Variants in SOX5 observed in about 807,000 individuals in gnomAD.
SOX5 encodes the protein transcription factor SOX-5.
A neutral mutation model predicts 92.0 loss-of-function variants in SOX5; 9 were observed. The observed-to-expected ratio is 0.10, with a 90% CI of 0.06 to 0.17. SOX5 has a LOEUF of 0.17. Ranked by LOEUF, SOX5 falls within the 10% of genes least tolerant of loss-of-function variation. The pLI is 1.00. For missense variants in SOX5, 642 were observed against 944.5 expected, an observed-to-expected ratio of 0.68 and a Z score of 4.20; for synonymous variants, 344 against 336.3, an observed-to-expected ratio of 1.02 and a Z score of -0.25.
intron 1 of SOX5, among the ~76,000 whole-genome samples, chr12:24,549,487 A>G (rs1952944336): frequency 6.6e-6 from 1 of 152,240 alleles, no homozygotes; most frequent in Admixed American, 6.5e-5. Context: ...TCAATTGACA[A>G]GGAGGTTTAA....
chr12:23,965,898 T>C (rs890590670), intron 4 of SOX5, among the ~76,000 whole-genome samples: 1 of 152,122 alleles, frequency 6.6e-6, no homozygotes, highest in African/African-American at 2.4e-5. Context: ...GGATTGCAGC[T>C]GTGAGCCACC....
chr12:24,316,692 A>G lies in SOX5; in HGVS notation c.-173-39380T>C, dbSNP rs546552814. Among the ~76,000 whole-genome samples the G allele has an allele frequency of 4.9e-4, 75 of 152,336 alleles. 1 individual carries two copies. Among genetic ancestry groups the G allele is most frequent in the Admixed American group, 3.9e-3 (60 of 15,306 alleles). On this transcript the variant is annotated intron_variant, in intron 2 of 4. Transcript: ENST00000446891. The stretch of plus-strand genomic sequence containing the variant: ...TGTGCCAACTATATTTAAATTCCAC[A>G]TGTCGTTTCAAAATGTATTTAGAGA...
At chr12:24,399,199 A>G (rs1483796216) in intron 1 of SOX5, among the ~76,000 whole-genome samples, 1 of 152,124 alleles carries the variant, frequency 6.6e-6, no homozygotes. Context: ...AAAAAACCAA[A>G]CAAACAGAAA....
At chr12:23,922,070 C>T (rs576430545) in intron 1 of SOX5, among the ~76,000 whole-genome samples, 1 of 152,176 alleles carries the variant, frequency 6.6e-6, no homozygotes, top group Non-Finnish European at 1.5e-5. Flanking sequence ...GACAACTCCC[C>T]CCCTGGGCTC....
chr12:24,222,033 A>C (rs1960584040), intron 3 of SOX5, among the ~76,000 whole-genome samples: 1 of 152,238 alleles, frequency 6.6e-6, no homozygotes, highest in African/African-American at 2.4e-5. Flanking sequence ...TTCTGTTCTT[A>C]GAAAAATTAA....
At chr12:23,918,513 G>A (rs550419274) in intron 1 of SOX5, among the ~76,000 whole-genome samples, 1 of 152,240 alleles carries the variant, frequency 6.6e-6, no homozygotes, top group Admixed American at 6.5e-5. Context: ...TAATGAATAT[G>A]GTTCTTTATT....
chr12:24,558,310 G>C (rs1597931990), intron 1 of SOX5, among the ~76,000 whole-genome samples: 1 of 152,152 alleles, frequency 6.6e-6, no homozygotes, highest in African/African-American at 2.4e-5. Flanking sequence ...CGCTGGTAAA[G>C]CCTTCAAAAG....
At chr12:23,951,020 C>G, upstream of SOX5, 1 of 677,612 alleles carries the variant, frequency 1.5e-6, no homozygotes. Context: ...CACGCACGCT[C>G]TCCACTCCTA....
In SOX5 at chr12:24,374,502, CACACACACACACAT is replaced by C. The variant is rs538111961; in HGVS notation, c.-250-5877_-250-5864del. ...CTGTTCTGCCCTCTCCAGACCACCA[CACACACACACACAT>C]ACACACACACACACACACACATGCA... On this transcript the variant is annotated intron_variant, in intron 1 of 4. Coordinates refer to the SOX5 transcript ENST00000446891. Among the ~76,000 whole-genome samples, 935 of 144,398 alleles carry C rather than the reference CACACACACACACAT, an allele frequency of 6.5e-3. 5 individuals carry two copies. The highest frequency in any genetic ancestry group is 0.011 in the Non-Finnish European group (710 of 66,522). The allele number at this position is 144,398 out of a possible 152,430, so 94.7% of individuals were successfully genotyped here.
At chr12:24,273,321 T>C (rs1350194354) in intron 3 of SOX5, among the ~76,000 whole-genome samples, 1 of 152,232 alleles carries the variant, frequency 6.6e-6, no homozygotes, top group Non-Finnish European at 1.5e-5. Context: ...GGTCAAGATT[T>C]TGCTTTTGCT....
At chr12:23,716,727 C>A (rs989329450) in intron 6 of SOX5, among the ~76,000 whole-genome samples, 5 of 152,148 alleles carry the variant, frequency 3.3e-5, no homozygotes, top group Non-Finnish European at 7.4e-5. Flanking sequence ...ATCTTAACAG[C>A]TACGTGAGAG....
intron 1 of SOX5, among the ~76,000 whole-genome samples, chr12:24,410,765 T>C (rs1462250702): frequency 1.3e-5 from 2 of 152,250 alleles, no homozygotes; most frequent in East Asian, 3.8e-4. Flanking sequence ...TATTCTTCTA[T>C]TTCAAAGTTC....
At chr12:24,214,367 C>T (rs1002897462) in intron 3 of SOX5, among the ~76,000 whole-genome samples, 10 of 151,892 alleles carry the variant, frequency 6.6e-5, no homozygotes, top group African/African-American at 2.2e-4. Context: ...GCTTATTTTC[C>T]CAATCTACAA....
At chr12:24,381,605 C>G (rs2136365949) in intron 1 of SOX5, among the ~76,000 whole-genome samples, 1 of 152,304 alleles carries the variant, frequency 6.6e-6, no homozygotes, top group Non-Finnish European at 1.5e-5. Context: ...CCTCCTTAAA[C>G]AGCTCTCTCT....
intron 1 of SOX5, among the ~76,000 whole-genome samples, chr12:24,528,444 G>C (rs1950903541): frequency 6.6e-6 from 1 of 152,184 alleles, no homozygotes. Flanking sequence ...AGTTGAAAGA[G>C]TATCCTGGTG....
chr12:24,043,774 C>T (rs936045302), intron 4 of SOX5, among the ~76,000 whole-genome samples: 7 of 152,016 alleles, frequency 4.6e-5, no homozygotes, highest in African/African-American at 1.7e-4. Flanking sequence ...ATATAGCTAC[C>T]TCTTGAATTT....
chr12:23,717,377 T>C (rs2092567957), intron 6 of SOX5, among the ~76,000 whole-genome samples: 1 of 152,208 alleles, frequency 6.6e-6, no homozygotes, highest in African/African-American at 2.4e-5. Context: ...TAGTCTGTAT[T>C]TCACAACTTT....
intron 2 of SOX5, among the ~76,000 whole-genome samples, chr12:24,347,150 A>T (rs1953399656): frequency 6.6e-6 from 1 of 152,232 alleles, no homozygotes. Context: ...AAAAATTCCA[A>T]AGTTCCAAAA....
At chr12:23,898,231 T>C (rs2097196751) in intron 1 of SOX5, among the ~76,000 whole-genome samples, 2 of 152,200 alleles carry the variant, frequency 1.3e-5, no homozygotes, top group South Asian at 4.1e-4. Flanking sequence ...TATTTCTTAG[T>C]TTTGCATGTA....
Sources: allele counts gnomAD v4.1 joint callset (sites outside exome capture counted in the v4.1 genomes callset), GRCh38; gene constraint gnomAD v4.1.1; transcripts MANE v1.5; gene names NCBI Gene and HGNC (gene_info 2026-07-23, HGNC 2026-07-21).